The following ANK2 variants were observed in gnomAD, a reference collection of about 807,000 sequenced individuals.
ANK2 encodes ankyrin 2.
A neutral mutation model predicts 360.5 loss-of-function variants in ANK2; 83 were observed. That is an observed-to-expected ratio of 0.23 (90% CI 0.19 to 0.28). ANK2 has a LOEUF of 0.28. Ranked by LOEUF, ANK2 falls within the 10% of genes least tolerant of loss-of-function variation. The pLI is 1.00. For synonymous variants in ANK2, 1,740 were observed against 1,759.5 expected (o/e 0.99, Z 0.28); for missense variants, 4,201 against 4,795.7 (o/e 0.88, Z 3.66).
intron 2 of ANK2, among the ~76,000 whole-genome samples, chr4:113,015,010 C>T (rs1430657070): frequency 2.0e-5 from 3 of 151,986 alleles, no homozygotes; most frequent in Admixed American, 1.3e-4. Flanking sequence ...AGGCGCCCGC[C>T]ACCACGCCCG....
At chr4:113,299,660 G>A (rs1331371586) in intron 22 of ANK2, among the ~76,000 whole-genome samples, 2 of 149,802 alleles carry the variant, frequency 1.3e-5, no homozygotes, top group South Asian at 2.1e-4. Flanking sequence ...AGCTGAGATC[G>A]TGCCATTGCA....
At chr4:112,711,477 C>T in the ANK2 span, among the ~76,000 whole-genome samples, 2 of 152,006 alleles carry the variant, frequency 1.3e-5, no homozygotes. Flanking sequence ...GAGCTGTGAT[C>T]ATGCCACTGC....
intron 31 of ANK2, among the ~76,000 whole-genome samples, chr4:113,338,056 T>A (rs2093776797): frequency 6.6e-6 from 1 of 152,200 alleles, no homozygotes; most frequent in African/African-American, 2.4e-5. Context: ...ATTTTAAAAA[T>A]TAACAAATAA....
rs117575216 is a variant in ANK2 at position 113,093,168 on chromosome 4, G to A, written c.84+43356G>A. ...TTATGCATACATTGTCTTAATCTAT[G>A]AGAATTTGTGATAGGGTGTTCAGGT... On this transcript the variant is annotated intron_variant, in intron 1 of 45. Coordinates refer to ENST00000357077, the MANE Select transcript of ANK2 (RefSeq NM_001148.6). Among the ~76,000 whole-genome samples, 95 of 152,240 alleles carry A rather than the reference G, an allele frequency of 6.2e-4. No individual in the cohort carries two copies. In the East Asian group the frequency reaches 0.017, roughly 27 times the overall value.
intron 2 of ANK2, among the ~76,000 whole-genome samples, chr4:112,956,541 G>A (rs972314226): frequency 1.3e-5 from 2 of 152,250 alleles, no homozygotes; most frequent in Non-Finnish European, 2.9e-5. Context: ...AGGCTTCTAA[G>A]TGACTAGTGG....
chr4:112,863,672 G>A lies in ANK2; in HGVS notation c.-39-40783G>A, dbSNP rs567521866. 1.1e-4 allele frequency among the ~76,000 whole-genome samples: 17 copies of A among 151,984 alleles called. No homozygotes were observed. In the South Asian group the frequency reaches 3.5e-3, roughly 32 times the overall value. ...CTAGTAGCCGGGACTGCAGGCGCCAGCCACCACGCCCGGCTAATTTTTTGT... is the reference window on the plus strand; with the variant it reads ...CTAGTAGCCGGGACTGCAGGCGCCAACCACCACGCCCGGCTAATTTTTTGT... On this transcript the variant is annotated intron_variant, in intron 1 of 30. Transcript: ENST00000503271.
chr4:112,793,208 T>C, the ANK2 span, among the ~76,000 whole-genome samples: 1 of 152,098 alleles, frequency 6.6e-6, no homozygotes, highest in Non-Finnish European at 1.5e-5. Flanking sequence ...TGTAAATAAG[T>C]AAAGGTTTTT....
intron 2 of ANK2, among the ~76,000 whole-genome samples, chr4:112,992,856 G>A (rs918356217): frequency 2.0e-5 from 3 of 152,156 alleles, no homozygotes; most frequent in Admixed American, 2.0e-4. Flanking sequence ...AAATGCGGAT[G>A]CTTATTTCTT....
At chr4:113,348,171 A>T in intron 35 of ANK2, 105 bp from the exon 36 acceptor site, 1 of 1,120,666 alleles carries the variant, frequency 8.9e-7, no homozygotes, top group Non-Finnish European at 1.3e-6. Flanking sequence ...TTGCCTGTTG[A>T]TGCTTGTTGA....
intron 17 of ANK2, among the ~76,000 whole-genome samples, chr4:113,278,972 CT>C (rs138551277): frequency 0.029 from 4,334 of 151,000 alleles, 101 homozygotes; most frequent in East Asian, 0.069. Flanking sequence ...GTTTCTTTGT[CT>C]TTTTTTTTAA....
chr4:113,299,762 T>C (rs990311360), intron 22 of ANK2, among the ~76,000 whole-genome samples: 2 of 151,872 alleles, frequency 1.3e-5, no homozygotes, highest in African/African-American at 4.8e-5. Flanking sequence ...CTCTATGTTA[T>C]ATTTTAAATG....
chr4:113,157,346 T>C (rs1001109303), intron 1 of ANK2, among the ~76,000 whole-genome samples: 3 of 152,230 alleles, frequency 2.0e-5, no homozygotes, highest in African/African-American at 7.2e-5. Context: ...CGTGCTGTTA[T>C]AGAAACAGAG....
chr4:113,223,972 G>T (rs1251509961), intron 4 of ANK2, among the ~76,000 whole-genome samples: 1 of 149,480 alleles, frequency 6.7e-6, no homozygotes, highest in Non-Finnish European at 1.5e-5. Flanking sequence ...TGGTAGAGGG[G>T]TCAGTTTCTT....
chr4:113,057,040 A>G (rs2070357695), intron 1 of ANK2, among the ~76,000 whole-genome samples: 3 of 152,168 alleles, frequency 2.0e-5, no homozygotes, highest in Non-Finnish European at 1.5e-5. Context: ...AGTTCCCCCA[A>G]TTCAACAATT....
At chr4:113,308,694 T>C (rs964448682) in intron 23 of ANK2, among the ~76,000 whole-genome samples, 2 of 152,182 alleles carry the variant, frequency 1.3e-5, no homozygotes, top group East Asian at 3.8e-4. Flanking sequence ...AGTTTGATTG[T>C]TAACAAACAG....
chr4:113,330,791 T>C (rs898086095), intron 27 of ANK2, among the ~76,000 whole-genome samples: 1 of 152,204 alleles, frequency 6.6e-6, no homozygotes, highest in Admixed American at 6.5e-5. Flanking sequence ...GAGAATTAAG[T>C]GGTAAAGTCA....
rs2154066782 is a variant in ANK2 at position 113,369,694 on chromosome 4, A to G, written c.11499A>G (p.Ser3833=). 1 of 1,614,174 alleles carries G rather than the reference A, an allele frequency of 6.2e-7. No individual in the cohort carries two copies. Among genetic ancestry groups the G allele is most frequent in the South Asian group, 1.1e-5 (1 of 91,074 alleles). Residue 3833 remains serine (S), a synonymous_variant, in exon 43 of 46, where the codon TCA becomes TCG. Coordinates refer to ENST00000357077, the MANE Select transcript of ANK2 (RefSeq NM_001148.6). The part of the protein sequence containing the change: ...SPIIQEPEEP[S]EHREESSPRK... ...TCATACAAGAACCCGAAGAGCCCTC[A>G]GAGCACAGAGAGGAGAGCTCTCCGC... is the stretch of plus-strand genomic sequence containing the variant.
chr4:112,813,957 A>G (rs189344129), upstream of ANK2, among the ~76,000 whole-genome samples: 3 of 152,278 alleles, frequency 2.0e-5, no homozygotes, highest in East Asian at 5.8e-4. Context: ...TCTTCTGTTC[A>G]TTTGCTCTGC....
intron 2 of ANK2, among the ~76,000 whole-genome samples, chr4:113,042,628 T>C (rs938926419): frequency 6.6e-6 from 1 of 152,136 alleles, no homozygotes; most frequent in African/African-American, 2.4e-5. Context: ...TGCTTGCTGA[T>C]ACTTTTAGGC....
Sources: allele counts gnomAD v4.1 joint callset (sites outside exome capture counted in the v4.1 genomes callset), GRCh38; gene constraint gnomAD v4.1.1; transcripts MANE v1.5; gene names NCBI Gene and HGNC (gene_info 2026-07-23, HGNC 2026-07-21).